CUX1: variants seen among roughly 807,000 people sequenced by gnomAD.
CUX1 encodes protein CASP.
CUX1 carries 31 observed loss-of-function variants against 158.8 expected under a neutral mutation model. That is an observed-to-expected ratio of 0.20 (90% confidence interval 0.15 to 0.26). CUX1 has a LOEUF of 0.26. Ranked by LOEUF, CUX1 falls within the 10% of genes least tolerant of loss-of-function variation. The probability of loss-of-function intolerance (pLI) is 1.00; values close to 1 mark genes in which losing one functional copy is unlikely to be tolerated. For synonymous variants in CUX1, 879 were observed against 862.1 expected, an observed-to-expected ratio of 1.02 and a Z score of -0.34; for missense variants, 1,589 against 2,014.6, an observed-to-expected ratio of 0.79 and a Z score of 4.04.
intron 3 of CUX1, among the ~76,000 whole-genome samples, chr7:102,036,148 G>A (rs1821400708): frequency 6.6e-6 from 1 of 151,956 alleles, no homozygotes. Flanking sequence ...TGTGTTTTTA[G>A]TAAAGACGGT....
chr7:101,856,475 G>A (rs546059766), intron 1 of CUX1, among the ~76,000 whole-genome samples: 9 of 152,324 alleles, frequency 5.9e-5, no homozygotes, highest in South Asian at 2.1e-4. Flanking sequence ...AATGGAAGAC[G>A]AAGTGGACTT....
rs1367392324 is a variant in CUX1, at chr7:101,921,975, C to A, written c.141+5750C>A. On this transcript the variant is annotated intron_variant, in intron 2 of 23. Coordinates refer to ENST00000292535, the MANE Select transcript of CUX1 (RefSeq NM_181552.4). The stretch of plus-strand genomic sequence containing the variant: ...TCTACAAAAAAATCAAAAGATTAGC[C>A]AGGATGGTGGTGTACACTTGTAGTC... Among the ~76,000 whole-genome samples, 5 of 151,956 alleles carry A rather than the reference C, an allele frequency of 3.3e-5. No individual in the cohort carries two copies. In the East Asian group the frequency reaches 7.8e-4, roughly 24 times the overall value.
chr7:102,093,837 T>C (rs765815022), intron 4 of CUX1, among the ~76,000 whole-genome samples: 1 of 152,212 alleles, frequency 6.6e-6, no homozygotes, highest in Non-Finnish European at 1.5e-5. Flanking sequence ...GGAAAGCGTG[T>C]TGAATCGGAG....
At chr7:102,018,223 C>T (rs1021511967) in intron 2 of CUX1, among the ~76,000 whole-genome samples, 1 of 152,140 alleles carries the variant, frequency 6.6e-6, no homozygotes, top group South Asian at 2.1e-4. Flanking sequence ...GGCCTCCCAA[C>T]GTGCAGGGAT....
At position 102,197,012 on chromosome 7, in the gene CUX1, C is replaced by T. The variant is rs1447968146; in HGVS notation, c.1601C>T (p.Pro534Leu). The stretch of plus-strand genomic sequence containing the variant: ...AGCCCAGATGTCAATGGCATGGCCC[C>T]ATCCCCCAGCCAGTCAGAAAGTGCT... ...QQSPDVNGMA[P>L]SPSQSESAGS... is the part of the protein sequence containing the mutation. The change falls in exon 15 of 24, where the codon CCA (proline) becomes CTA (leucine). Residue 534 changes from proline (P) to leucine (L), a missense_variant. This residue lies in a region of CUX1 where 515 missense variants were observed against 574.4 expected (regional missense o/e 0.90). Coordinates refer to ENST00000292535, the MANE Select transcript of CUX1 (RefSeq NM_181552.4). The T allele has an allele frequency of 6.2e-7, 1 of 1,614,126 alleles. No individual in the cohort carries two copies. Among genetic ancestry groups the T allele is most frequent in the African/African-American group, 1.3e-5 (1 of 74,936 alleles).
At chr7:102,195,703 C>G (rs566643900) in intron 14 of CUX1, 100 bp downstream of exon 14, 2 of 1,065,968 alleles carry the variant, frequency 1.9e-6, no homozygotes, top group Non-Finnish European at 2.7e-6. Context: ...AGATGCATGG[C>G]CAGAGAAGCG....
chr7:102,238,657 G>A (rs2132484730), intron 22 of CUX1, among the ~76,000 whole-genome samples: 1 of 152,208 alleles, frequency 6.6e-6, no homozygotes, highest in South Asian at 2.1e-4. Flanking sequence ...CCCACACCCA[G>A]GCCTGGCCGA....
At chr7:101,852,110 G>A (rs1289648239) in intron 1 of CUX1, among the ~76,000 whole-genome samples, 3 of 151,810 alleles carry the variant, frequency 2.0e-5, no homozygotes, top group Admixed American at 6.6e-5. Flanking sequence ...GATTACAGGC[G>A]TGAGCCACCG....
At chr7:101,974,397 A>G (rs939647280) in intron 2 of CUX1, among the ~76,000 whole-genome samples, 2 of 152,192 alleles carry the variant, frequency 1.3e-5, no homozygotes, top group Non-Finnish European at 2.9e-5. Context: ...AATATTTTCA[A>G]AAGTTCTTAT....
At chr7:101,876,226 T>TC (rs1799115539) in intron 1 of CUX1, among the ~76,000 whole-genome samples, 1 of 151,490 alleles carries the variant, frequency 6.6e-6, no homozygotes, top group Non-Finnish European at 1.5e-5. Context: ...ACGCTTGTAG[T>TC]CCCAGCTACT....
At chr7:102,165,572 C>A (rs927367241) in intron 9 of CUX1, among the ~76,000 whole-genome samples, 1 of 152,088 alleles carries the variant, frequency 6.6e-6, no homozygotes, top group Admixed American at 6.6e-5. Flanking sequence ...ACCATGTTGA[C>A]CAGGCTGGTC....
chr7:101,912,390 G>T (rs1431984379), intron 1 of CUX1, among the ~76,000 whole-genome samples: 3 of 152,154 alleles, frequency 2.0e-5, no homozygotes, highest in Non-Finnish European at 4.4e-5. Context: ...CCAGGCCTCT[G>T]CCCCTGCAGG....
intron 1 of CUX1, among the ~76,000 whole-genome samples, chr7:101,879,732 C>T (rs560556443): frequency 2.6e-5 from 4 of 152,262 alleles, no homozygotes; most frequent in African/African-American, 4.8e-5. Context: ...GGGTGCCGTG[C>T]GGCCCGCCCG....
chr7:102,096,338 A>G (rs2529373), intron 4 of CUX1, among the ~76,000 whole-genome samples: 92,073 of 151,760 alleles, frequency 0.61, 29,832 homozygotes, highest in African/African-American at 0.79. Flanking sequence ...TGGTCATGTC[A>G]TGAAATGGGG....
rs1554541800 is a variant in CUX1, at chr7:102,255,762, A to G, written c.*6720A>G. ...AACAAGAGACCATTCAGCAAGACAC[A>G]TTGAAGTGGCACGGAGCTGCTTTTG... is the stretch of plus-strand genomic sequence containing the variant. On this transcript the variant is annotated 3_prime_UTR_variant, in exon 24 of 24. Transcript: ENST00000292535. The G allele has an allele frequency of 2.0e-6, 2 of 985,292 alleles. No homozygotes were observed. The highest frequency in any genetic ancestry group is 6.1e-5 in the Admixed American group (1 of 16,270). 61.0% of individuals were successfully genotyped at this position (985,292 alleles called of 1,614,324 possible).
At chr7:102,018,666 A>C (rs1818968023) in intron 2 of CUX1, among the ~76,000 whole-genome samples, 1 of 152,244 alleles carries the variant, frequency 6.6e-6, no homozygotes, top group African/African-American at 2.4e-5. Context: ...CTCTGAGACC[A>C]GAAGAAGCCT....
intron 1 of CUX1, among the ~76,000 whole-genome samples, chr7:101,834,283 C>T (rs1254714145): frequency 6.8e-6 from 1 of 147,558 alleles, no homozygotes; most frequent in African/African-American, 2.5e-5. Flanking sequence ...AAGCGATTCT[C>T]CCGCCTCAGC....
chr7:101,978,126 G>T (rs1812948456), intron 2 of CUX1, among the ~76,000 whole-genome samples: 1 of 152,082 alleles, frequency 6.6e-6, no homozygotes, highest in Non-Finnish European at 1.5e-5. Flanking sequence ...CCTGTCCTCA[G>T]GGGATCCCAT....
At chr7:101,818,279 CCT>C (rs980326122) in intron 1 of CUX1, among the ~76,000 whole-genome samples, 1 of 152,100 alleles carries the variant, frequency 6.6e-6, no homozygotes, top group African/African-American at 2.4e-5. Flanking sequence ...AAAATAGCTC[CCT>C]TTTACCATAA....
Sources: gnomAD v4.1 joint callset for allele counts (sites outside exome capture counted in the v4.1 genomes callset) on GRCh38, gnomAD v4.1.1 for gene constraint, gnomAD v4.1.1 regional missense constraint, MANE v1.5 for transcripts, NCBI Gene and HGNC (gene_info 2026-07-23, HGNC 2026-07-21) for gene names.